WDR19: variants seen among roughly 807,000 people sequenced by gnomAD.
WDR19 encodes WD repeat-containing protein 19.
Under a neutral mutation model 180.0 loss-of-function variants are expected in WDR19, and 121 were observed. The observed-to-expected ratio is 0.67, with a 90% confidence interval of 0.58 to 0.78. The LOEUF is 0.78. Among genes scored for constraint, WDR19 ranks in the 30% least tolerant of loss-of-function variants. The pLI is 0.00. For missense variants in WDR19, 1,450 were observed against 1,640.7 expected (o/e 0.88, Z 2.01); for synonymous variants, 497 against 540.7 (o/e 0.92, Z 1.12).
chr4:39,214,984 G>A (rs561501765), intron 10 of WDR19, among the ~76,000 whole-genome samples: 1 of 152,126 alleles, frequency 6.6e-6, no homozygotes, highest in African/African-American at 2.4e-5. Flanking sequence ...TGTTGGCCAG[G>A]CTGGTCTCGA....
At chr4:39,228,802 GA>G in intron 17 of WDR19, 112 bp downstream of exon 17, 1 of 1,210,134 alleles carries the variant, frequency 8.3e-7, no homozygotes, top group Non-Finnish European at 1.1e-6. Flanking sequence ...ATCCTTGCAA[GA>G]ATTTTTTTTT....
intron 2 of WDR19, 100 bp downstream of exon 2, chr4:39,185,917 A>T (rs78559949): frequency 7.0e-6 from 7 of 999,456 alleles, no homozygotes; most frequent in Non-Finnish European, 1.0e-5. Flanking sequence ...TTTTTTTTAA[A>T]TGGAGTCTAG....
In WDR19 at chr4:39,249,444, C is replaced by G. The variant is rs1577989461; in HGVS notation, c.2730-3702C>G. Among the ~76,000 whole-genome samples, 3 of 151,566 alleles carry G rather than the reference C, an allele frequency of 2.0e-5. No homozygotes were observed. The East Asian group carries it at 5.8e-4, about 29-fold the overall frequency. ...ATCACAATTAAAAGAACTAGAGAAG[C>G]AAGAGCAAACACATTCAAAAGCTAG... On this transcript the variant is annotated intron_variant, in intron 24 of 36. Transcript: ENST00000399820.
In WDR19 at chr4:39,253,182, A is replaced by G. The variant is rs765314003; in HGVS notation, c.2766A>G (p.Lys922=). 1.3e-5 allele frequency: 21 copies of G among 1,611,268 alleles called. No homozygotes were observed. Among genetic ancestry groups the G allele is most frequent in the Admixed American group, 1.7e-5 (1 of 59,554 alleles). Residue 922 remains lysine, a synonymous_variant, in exon 25 of 37, where the codon AAA becomes AAG. Coordinates refer to ENST00000399820, the MANE Select transcript of WDR19 (RefSeq NM_025132.4). ...CTGTTGTAGCTTATGAAAATGCAAA[A>G]CAGTGGCAAAGTGTAATCCGCATCT... ...KEAVVAYENA[K]QWQSVIRIYL... is the part of the protein sequence containing the mutation.
At chr4:39,219,775 C>T (rs904235799) in intron 14 of WDR19, among the ~76,000 whole-genome samples, 1 of 152,110 alleles carries the variant, frequency 6.6e-6, no homozygotes, top group African/African-American at 2.4e-5. Context: ...CCTAAATCTC[C>T]AAATATTACA....
At chr4:39,275,263 C>T (rs921673795) in intron 33 of WDR19, 1 of 359,672 alleles carries the variant, frequency 2.8e-6, no homozygotes, top group African/African-American at 2.1e-5. Flanking sequence ...TTGCTTGAAC[C>T]CGGGAGGCAG....
chr4:39,255,336 C>T (rs1356523982), intron 26 of WDR19, among the ~76,000 whole-genome samples: 2 of 152,088 alleles, frequency 1.3e-5, no homozygotes, highest in African/African-American at 2.4e-5. Flanking sequence ...CAGCTGGAGG[C>T]GCAGCATGGT....
At chr4:39,215,717 T>C in intron 10 of WDR19, 124 bp from the exon 11 acceptor site, 1 of 1,056,712 alleles carries the variant, frequency 9.5e-7, no homozygotes, top group Non-Finnish European at 1.3e-6. Flanking sequence ...AAAAAACTAC[T>C]TAAACTAGTA....
At chr4:39,282,899 A>G (rs1736704725) in intron 36 of WDR19, among the ~76,000 whole-genome samples, 1 of 144,812 alleles carries the variant, frequency 6.9e-6, no homozygotes, top group Non-Finnish European at 1.5e-5. Flanking sequence ...GTTGTACTGT[A>G]GAATCCTTAA....
chr4:39,199,449 T>G (rs970938741), intron 5 of WDR19, 29 bp from the exon 6 acceptor site: 1 of 1,565,064 alleles, frequency 6.4e-7, no homozygotes, highest in Non-Finnish European at 8.8e-7. Flanking sequence ...GAAATCCACA[T>G]GTCTGTATAA....
chr4:39,187,407 G>A (rs1252600837), intron 3 of WDR19, among the ~76,000 whole-genome samples: 2 of 138,284 alleles, frequency 1.4e-5, no homozygotes, highest in African/African-American at 2.7e-5. Context: ...GTGACAGAAC[G>A]AGACTCCATC....
At chr4:39,209,998 C>A (rs567027628) in intron 9 of WDR19, among the ~76,000 whole-genome samples, 1 of 152,198 alleles carries the variant, frequency 6.6e-6, no homozygotes, top group East Asian at 1.9e-4. Flanking sequence ...TCTGGATTAG[C>A]CCTATAACTA....
At chr4:39,241,776 CAA>C (rs1731977052) in intron 21 of WDR19, among the ~76,000 whole-genome samples, 1 of 133,500 alleles carries the variant, frequency 7.5e-6, no homozygotes, top group Admixed American at 7.8e-5. Flanking sequence ...GCCTGGGCGA[CAA>C]GAGGGAAACT....
In WDR19 at chr4:39,270,023, C is replaced by T. The variant is rs527607393; in HGVS notation, c.3406C>T (p.Leu1136=). The T allele has an allele frequency of 4.3e-6, 7 of 1,613,844 alleles. No homozygotes were observed. Among genetic ancestry groups the T allele is most frequent in the Admixed American group, 3.3e-5 (2 of 59,994 alleles). Reference sequence around the variant, plus strand: ...TGTTCTCTTCAGTATGTATGCAGAACTGAAATCCCAGAAGATCAAAATTCC... The same window carrying T: ...TGTTCTCTTCAGTATGTATGCAGAATTGAAATCCCAGAAGATCAAAATTCC... ...HDVLFSMYAE[L]KSQKIKIPSE... The change falls in exon 31 of 37, where the codon CTG becomes TTG. Residue 1136 remains leucine (L), a synonymous_variant. Coordinates refer to ENST00000399820, the MANE Select transcript of WDR19 (RefSeq NM_025132.4).
chr4:39,257,004 C>T (rs532448894), intron 27 of WDR19, among the ~76,000 whole-genome samples: 3 of 152,114 alleles, frequency 2.0e-5, no homozygotes, highest in South Asian at 2.1e-4. Flanking sequence ...TGTGGTGTTA[C>T]GGTGTTCAGG....
intron 21 of WDR19, among the ~76,000 whole-genome samples, chr4:39,243,869 C>T (rs1255840940): frequency 6.6e-6 from 1 of 152,136 alleles, no homozygotes; most frequent in African/African-American, 2.4e-5. Flanking sequence ...TTTTATGTTT[C>T]ATCATGCCTC....
chr4:39,231,077 C>T (rs535904100), intron 17 of WDR19, among the ~76,000 whole-genome samples: 21 of 151,958 alleles, frequency 1.4e-4, no homozygotes, highest in Non-Finnish European at 2.4e-4. Flanking sequence ...TCTGGGAGGC[C>T]GAGGCGGGCG....
At chr4:39,217,429 C>CA (rs1560503265) in intron 13 of WDR19, among the ~76,000 whole-genome samples, 189 bp downstream of exon 13, 1 of 152,050 alleles carries the variant, frequency 6.6e-6, no homozygotes, top group African/African-American at 2.4e-5. Flanking sequence ...CCCTGTTCCC[C>CA]AAAAACCTGA....
At chr4:39,228,402 C>T in intron 16 of WDR19, 45 bp downstream of exon 16, 1 of 1,601,864 alleles carries the variant, frequency 6.2e-7, no homozygotes, top group South Asian at 1.1e-5. Flanking sequence ...ATGAATTTCC[C>T]ATTGCAGTAA....
Sources: gnomAD v4.1 joint callset for allele counts (sites outside exome capture counted in the v4.1 genomes callset) on GRCh38, gnomAD v4.1.1 for gene constraint, MANE v1.5 for transcripts, NCBI Gene and HGNC (gene_info 2026-07-23, HGNC 2026-07-21) for gene names.